The following SARDH variants were observed in gnomAD, a reference collection of about 807,000 sequenced individuals.
SARDH encodes sarcosine dehydrogenase, mitochondrial.
Under a neutral mutation model 109.1 loss-of-function variants are expected in SARDH, and 95 were observed. The ratio of observed to expected loss-of-function variants is 0.87; its 90% CI spans 0.74 to 1.03. SARDH has a LOEUF of 1.03. SARDH is among the 50% of genes least tolerant of loss of function. The pLI, the probability that SARDH is intolerant of heterozygous loss-of-function variation, is 0.00. For synonymous variants in SARDH, 572 were observed against 534.8 expected (o/e 1.07, Z -0.96); for missense variants, 1,267 against 1,287.8 (o/e 0.98, Z 0.25).
rs12350635 is a variant in SARDH at position 133,709,462 on chromosome 9, C to T, written c.1329-1034G>A. On this transcript the variant is annotated intron_variant, in intron 10 of 20. Coordinates refer to ENST00000439388, the MANE Select transcript of SARDH (RefSeq NM_001134707.2). This position sits in a 1 kb window ranked among gnomAD's most constrained non-coding sequence, Gnocchi z 4.2. ...TCAGCCCCCGGCTTTCCCAGCACCC[C>T]GCCTCCCCCTCACGCTCCACCTGCT... is the stretch of plus-strand genomic sequence containing the variant. Among the ~76,000 whole-genome samples the T allele has an allele frequency of 0.011, 1,733 of 152,274 alleles. 28 individuals are homozygous for T. Among genetic ancestry groups the T allele is most frequent in the African/African-American group, 0.039 (1,605 of 41,546 alleles).
chr9:133,729,422 T>G (rs1408564252), intron 6 of SARDH, among the ~76,000 whole-genome samples: 3 of 152,016 alleles, frequency 2.0e-5, no homozygotes, highest in African/African-American at 7.2e-5. Context: ...CATGCAAACA[T>G]TCGGGTCTTC....
intron 11 of SARDH, among the ~76,000 whole-genome samples, chr9:133,707,007 G>T (rs1049305704): frequency 6.6e-6 from 1 of 152,158 alleles, no homozygotes; most frequent in African/African-American, 2.4e-5. Context: ...GAACCATGGG[G>T]ACATCCCATG....
chr9:133,691,218 CCA>C (rs35483234), intron 15 of SARDH, among the ~76,000 whole-genome samples: 9,726 of 128,288 alleles, frequency 0.076, 995 homozygotes, highest in African/African-American at 0.24. Context: ...ACACACACGG[CCA>C]CTCTCAGGCC....
chr9:133,703,404 T>C (rs1435009823), intron 12 of SARDH: 7 of 287,818 alleles, frequency 2.4e-5, no homozygotes, highest in Non-Finnish European at 4.1e-5. Flanking sequence ...GGCCAGCCCC[T>C]GCGGGAAGCG....
At chr9:133,735,037 C>T (rs1289729604) in intron 1 of SARDH, among the ~76,000 whole-genome samples, 1 of 152,078 alleles carries the variant, frequency 6.6e-6, no homozygotes, top group Admixed American at 6.5e-5. Context: ...CACTTGCGCT[C>T]CCAGACAGAG....
Position 133,721,230 on chromosome 9 carries a change from G to A in SARDH, c.916-2188C>T, listed in dbSNP as rs1022928215. Among the ~76,000 whole-genome samples the A allele has an allele frequency of 2.0e-5, 3 of 152,178 alleles. No individual in the cohort carries two copies. In the South Asian group the frequency reaches 6.2e-4, roughly 32 times the overall value. On this transcript the variant is annotated intron_variant, in intron 6 of 20. Transcript: ENST00000439388. Reference sequence around the variant, plus strand: ...GAGGCCTGCACCAAGGCCACGCCGTGGGAAACATCACAACACCGGATGGCC... The same window carrying A: ...GAGGCCTGCACCAAGGCCACGCCGTAGGAAACATCACAACACCGGATGGCC...
intron 20 of SARDH, among the ~76,000 whole-genome samples, chr9:133,665,762 G>C (rs1830041269): frequency 6.6e-6 from 1 of 152,180 alleles, no homozygotes. Context: ...TGCAGCTCTT[G>C]CTAAGGCTGC....
chr9:133,696,158 T>A, intron 14 of SARDH, 65 bp downstream of exon 14: 1 of 1,596,132 alleles, frequency 6.3e-7, no homozygotes, highest in Non-Finnish European at 8.5e-7. Context: ...TGCCAGCTCA[T>A]CTCAGTGCCT....
rs555173799 is a variant in SARDH at position 133,678,494 on chromosome 9, T to C, written c.2163+6699A>G. Among the ~76,000 whole-genome samples, 8 of 152,268 alleles carry C rather than the reference T, an allele frequency of 5.3e-5. No individual in the cohort carries two copies. In the South Asian group the frequency reaches 1.5e-3, roughly 28 times the overall value. On this transcript the variant is annotated intron_variant, in intron 17 of 20. Coordinates refer to ENST00000439388, the MANE Select transcript of SARDH (RefSeq NM_001134707.2). Reference sequence around the variant, plus strand: ...CAAAGCCAGCCATGAGACCTAGAAATACAACTCAAGCCTTCCCCACTTTTC... The same window carrying C: ...CAAAGCCAGCCATGAGACCTAGAAACACAACTCAAGCCTTCCCCACTTTTC...
At chr9:133,661,413 A>G (rs1487052519), downstream of SARDH, among the ~76,000 whole-genome samples, 1 of 151,526 alleles carries the variant, frequency 6.6e-6, no homozygotes, top group Non-Finnish European at 1.5e-5. Context: ...CCAACTTTTC[A>G]CATGGCCCAA....
In SARDH at chr9:133,692,820, G is replaced by C. The variant is rs1831149571; in HGVS notation, c.1921+1438C>G. ...TGGATCCATGAGGCACGAGCGCTGTGGCTCAGCCCATGGCTCCCTCAGCCT... is the reference window on the plus strand; with the variant it reads ...TGGATCCATGAGGCACGAGCGCTGTCGCTCAGCCCATGGCTCCCTCAGCCT... On this transcript the variant is annotated intron_variant, in intron 15 of 20. Coordinates refer to ENST00000439388, the MANE Select transcript of SARDH (RefSeq NM_001134707.2). The surrounding 1 kb of genome is among the most constrained non-coding windows in gnomAD (Gnocchi z 5.0). 6.6e-6 allele frequency among the ~76,000 whole-genome samples: 1 copy of C among 152,152 alleles called. No individual in the cohort carries two copies. The highest frequency in any genetic ancestry group is 2.4e-5 in the African/African-American group (1 of 41,432).
Position 133,681,985 on chromosome 9 carries a change from G to C in SARDH, c.2163+3208C>G, listed in dbSNP as rs1396626438. Among the ~76,000 whole-genome samples the C allele has an allele frequency of 2.0e-5, 3 of 151,902 alleles. 1 individual carries two copies. In the South Asian group the frequency reaches 6.2e-4, roughly 32 times the overall value. ...TCTCTCCCACTCCGCCTGAGACCTA[G>C]GGTAGCACTGGGCAAGCGAGGGGCG... is the stretch of plus-strand genomic sequence containing the variant. On this transcript the variant is annotated intron_variant, in intron 17 of 20. Transcript: ENST00000439388.
chr9:133,676,502 C>A (rs1830516538), intron 17 of SARDH, among the ~76,000 whole-genome samples: 1 of 152,226 alleles, frequency 6.6e-6, no homozygotes, highest in African/African-American at 2.4e-5. Flanking sequence ...AGCAAACCAA[C>A]TCCTTTTCTT....
intron 16 of SARDH, among the ~76,000 whole-genome samples, chr9:133,689,530 C>A (rs1040661928): frequency 7.9e-5 from 12 of 152,296 alleles, no homozygotes; most frequent in Middle Eastern, 3.4e-3. Context: ...GGGGACGCAT[C>A]CCCATCAGCC....
chr9:133,708,376 G>T lies in SARDH; in HGVS notation c.1381C>A (p.His461Asn). The T allele has an allele frequency of 1.9e-6, 3 of 1,613,130 alleles. No individual in the cohort carries two copies. Among genetic ancestry groups the T allele is most frequent in the Non-Finnish European group, 2.5e-6 (3 of 1,179,722 alleles). Reference protein sequence around the residue: ...DHPRWIRERSHESYAKNYSVV... With the variant: ...DHPRWIRERSNESYAKNYSVV... The stretch of plus-strand genomic sequence containing the variant: ...GAGTAGTTCTTGGCGTAGGACTCAT[G>T]GCTTCGCTCTCGGATCCAGCGGGGG... Residue 461 changes from histidine (H) to asparagine (N), a missense_variant, in exon 11 of 21, where the codon CAT (histidine) becomes AAT (asparagine). His to Asn is a moderately conservative substitution (Grantham distance 68). Transcript: ENST00000439388.
Position 133,729,801 on chromosome 9 carries a change from A to G in SARDH, c.879T>C (p.His293=), listed in dbSNP as rs746197445. The G allele has an allele frequency of 9.9e-6, 16 of 1,612,918 alleles. No homozygotes were observed. Among genetic ancestry groups the G allele is most frequent in the African/African-American group, 6.7e-5 (5 of 75,052 alleles). Residue 293 remains histidine, a synonymous_variant, in exon 6 of 21, where the codon CAT becomes CAC. Transcript: ENST00000439388. ...CGATGCGCTCGGTGACGACATAGGC[A>G]TGGTGCATGGCCACCAGCGGGACCT... is the stretch of plus-strand genomic sequence containing the variant. The part of the protein sequence containing the change: ...GVKVPLVAMH[H]AYVVTERIEG...
chr9:133,736,225 G>A (rs940875471), intron 1 of SARDH, among the ~76,000 whole-genome samples: 3 of 152,194 alleles, frequency 2.0e-5, no homozygotes, highest in Non-Finnish European at 2.9e-5. Flanking sequence ...AATCATCAAT[G>A]CTGCCTCACA....
chr9:133,717,312 A>C lies in SARDH; in HGVS notation c.1150+14T>G. 1 of 1,613,524 alleles carries C rather than the reference A, an allele frequency of 6.2e-7. No individual in the cohort carries two copies. The highest frequency in any genetic ancestry group is 8.5e-7 in the Non-Finnish European group (1 of 1,179,666). On this transcript the variant is annotated intron_variant, in intron 8 of 20. Coordinates refer to ENST00000439388, the MANE Select transcript of SARDH (RefSeq NM_001134707.2). ...CCCATGGACGCCCACCCCAGCTCCG[A>C]GGCTGTCACTCACCAGGGCCGCAGA...
chr9:133,683,117 C>G (rs1438639451), intron 17 of SARDH, among the ~76,000 whole-genome samples: 1 of 152,208 alleles, frequency 6.6e-6, no homozygotes, highest in Non-Finnish European at 1.5e-5. Context: ...CAGCAAGCAC[C>G]TGGCCTGGCC....
Sources: allele counts gnomAD v4.1 joint callset (sites outside exome capture counted in the v4.1 genomes callset), GRCh38; gene constraint gnomAD v4.1.1; non-coding constraint Gnocchi (gnomAD v3.1); transcripts MANE v1.5; gene names NCBI Gene and HGNC (gene_info 2026-07-23, HGNC 2026-07-21).